Variants in DAB1 observed in about 807,000 individuals in gnomAD.
DAB1 encodes the protein DAB adaptor protein 1.
A neutral mutation model predicts 64.6 loss-of-function variants in DAB1; 15 were observed. That is an observed-to-expected ratio of 0.23 (90% confidence interval 0.16 to 0.36). DAB1 has a LOEUF of 0.36. Ranked by LOEUF, DAB1 falls within the 10% of genes least tolerant of loss-of-function variation. DAB1 has a pLI of 1.00. For missense variants in DAB1, 596 were observed against 706.7 expected (o/e 0.84, Z 1.78); for synonymous variants, 235 against 251.9 (o/e 0.93, Z 0.64).
At chr1:58,473,431 A>G (rs1343872517) in intron 3 of DAB1, among the ~76,000 whole-genome samples, 2 of 151,618 alleles carry the variant, frequency 1.3e-5, no homozygotes, top group South Asian at 2.1e-4. Context: ...AGTCCCAGCT[A>G]CTCGGGAGGC....
intron 3 of DAB1, among the ~76,000 whole-genome samples, chr1:58,350,227 C>T (rs902078611): frequency 2.2e-4 from 33 of 151,958 alleles, no homozygotes; most frequent in African/African-American, 7.5e-4. Context: ...CTTTTTTTCA[C>T]GTGTTTGTTG....
intron 1 of DAB1, among the ~76,000 whole-genome samples, chr1:57,368,602 G>T (rs1321557157): frequency 6.6e-6 from 1 of 152,080 alleles, no homozygotes. Context: ...AGAGAGAAGG[G>T]CCTCCTCTCT....
intron 7 of DAB1, among the ~76,000 whole-genome samples, chr1:57,579,605 G>A (rs1439210299): frequency 6.6e-6 from 1 of 152,114 alleles, no homozygotes; most frequent in African/African-American, 2.4e-5. Context: ...AGGTTCATAG[G>A]CTGCCTAGTC....
intron 4 of DAB1, among the ~76,000 whole-genome samples, chr1:58,269,247 G>A (rs1427973751): frequency 1.3e-5 from 2 of 149,592 alleles, no homozygotes; most frequent in Non-Finnish European, 1.5e-5. Context: ...TCCCACCTAT[G>A]AGTGAGAATA....
intron 2 of DAB1, among the ~76,000 whole-genome samples, 155 bp downstream of exon 2, chr1:57,290,809 C>G (rs1330566994): frequency 6.6e-6 from 1 of 151,936 alleles, no homozygotes; most frequent in East Asian, 1.9e-4. Context: ...AATGATGAAC[C>G]ATTACATTAT....
At chr1:57,113,608 G>A (rs1347135869) in intron 4 of DAB1, among the ~76,000 whole-genome samples, 1 of 152,158 alleles carries the variant, frequency 6.6e-6, no homozygotes, top group Non-Finnish European at 1.5e-5. Flanking sequence ...TATGGACATT[G>A]AAATTTGAAC....
At chr1:57,893,926 G>A (rs6694990) in intron 5 of DAB1, among the ~76,000 whole-genome samples, 13,771 of 152,114 alleles carry the variant, frequency 0.091, 2,137 homozygotes, top group African/African-American at 0.31. Flanking sequence ...AAATGGCAGC[G>A]TTTTAACTTG....
intron 5 of DAB1, among the ~76,000 whole-genome samples, chr1:58,143,481 A>T (rs1335776069): frequency 7.2e-5 from 11 of 152,214 alleles, no homozygotes; most frequent in Non-Finnish European, 1.6e-4. Context: ...ATTTACCACC[A>T]GAAGTTCTTC....
At chr1:57,004,682 G>A (rs987922257) in intron 14 of DAB1, among the ~76,000 whole-genome samples, 2 of 152,112 alleles carry the variant, frequency 1.3e-5, no homozygotes, top group African/African-American at 4.8e-5. Context: ...TACATTCCTT[G>A]GCTTGACAAA....
intron 2 of DAB1, among the ~76,000 whole-genome samples, chr1:57,221,054 A>AGTG (rs1271271691): frequency 2.6e-5 from 4 of 152,248 alleles, no homozygotes; most frequent in African/African-American, 7.2e-5. Context: ...ATACCATGGA[A>AGTG]TACTATGCAG....
chr1:57,246,757 G>A (rs1417751810), intron 2 of DAB1, among the ~76,000 whole-genome samples: 1 of 152,230 alleles, frequency 6.6e-6, no homozygotes, highest in Non-Finnish European at 1.5e-5. Flanking sequence ...CAGGGGCAGA[G>A]CTGCCCAAGG....
intron 4 of DAB1, among the ~76,000 whole-genome samples, chr1:57,129,209 G>GT (rs1310859265): frequency 6.6e-6 from 1 of 152,138 alleles, no homozygotes; most frequent in East Asian, 1.9e-4. Context: ...CCAGGGCATT[G>GT]TAACATCCCT....
intron 7 of DAB1, chr1:57,605,724 C>G: frequency 3.4e-6 from 1 of 292,038 alleles, no homozygotes; most frequent in South Asian, 4.5e-5. Context: ...CTGATGTTTT[C>G]TTCTAAACAC....
At chr1:58,382,536 C>G (rs377754049) in intron 3 of DAB1, among the ~76,000 whole-genome samples, 3 of 152,192 alleles carry the variant, frequency 2.0e-5, no homozygotes, top group African/African-American at 7.2e-5. Context: ...GGACAGACAT[C>G]CAGCCCATGT....
At chr1:57,540,607 A>G (rs547550267) in intron 7 of DAB1, among the ~76,000 whole-genome samples, 3 of 152,368 alleles carry the variant, frequency 2.0e-5, no homozygotes, top group African/African-American at 7.2e-5. Context: ...GTGGAATACT[A>G]CTTGGCCATA....
chr1:58,528,985 T>C (rs1477403813), intron 1 of DAB1, among the ~76,000 whole-genome samples: 5 of 152,234 alleles, frequency 3.3e-5, no homozygotes, highest in Non-Finnish European at 7.3e-5. Flanking sequence ...CCAACTGTGC[T>C]GATTCCATTA....
chr1:57,672,999 G>A (rs1646525821), intron 6 of DAB1, among the ~76,000 whole-genome samples: 1 of 152,168 alleles, frequency 6.6e-6, no homozygotes. Context: ...ATGTGTGTGT[G>A]TCATAGTTAA....
intron 9 of DAB1, among the ~76,000 whole-genome samples, chr1:57,026,604 C>T (rs945096307): frequency 6.6e-5 from 10 of 152,148 alleles, no homozygotes; most frequent in African/African-American, 2.4e-4. Context: ...TTTCTGAATA[C>T]AGAGAATGCA....
At chr1:57,714,219 G>A (rs1557438760) in intron 6 of DAB1, among the ~76,000 whole-genome samples, 1 of 152,164 alleles carries the variant, frequency 6.6e-6, no homozygotes, top group African/African-American at 2.4e-5. Context: ...TATCAGGTAA[G>A]TATAATTATT....
Sources: allele counts gnomAD v4.1 joint callset (sites outside exome capture counted in the v4.1 genomes callset), GRCh38; gene constraint gnomAD v4.1.1; transcripts MANE v1.5; gene names NCBI Gene and HGNC (gene_info 2026-07-23, HGNC 2026-07-21).